SLX4IP: variants seen among roughly 807,000 people sequenced by gnomAD.
SLX4IP encodes the protein protein SLX4IP.
Under a neutral mutation model 32.9 loss-of-function variants are expected in SLX4IP, and 34 were observed. The observed-to-expected ratio is 1.03, with a 90% CI of 0.79 to 1.38. The LOEUF is 1.38. SLX4IP is among the 40% of genes most tolerant of loss of function. SLX4IP has a pLI of 0.00. For synonymous variants in SLX4IP, 172 were observed against 171.7 expected (o/e 1.00, Z -0.01); for missense variants, 444 against 479.0 (o/e 0.93, Z 0.68).
At chr20:10,485,275 G>A (rs935026469) in intron 2 of SLX4IP, among the ~76,000 whole-genome samples, 1 of 151,896 alleles carries the variant, frequency 6.6e-6, no homozygotes, top group Non-Finnish European at 1.5e-5. Context: ...TGGGGGTTAG[G>A]GCTACTGACT....
intron 6 of SLX4IP, among the ~76,000 whole-genome samples, chr20:10,602,758 A>T (rs1439632787): frequency 1.3e-5 from 2 of 152,212 alleles, no homozygotes; most frequent in African/African-American, 4.8e-5. Context: ...TGAAATCTGA[A>T]ATTTGGCCCA....
chr20:10,448,813 A>G (rs1364361091), intron 1 of SLX4IP, among the ~76,000 whole-genome samples: 3 of 152,226 alleles, frequency 2.0e-5, no homozygotes, highest in Non-Finnish European at 2.9e-5. Flanking sequence ...TATTCAATAT[A>G]TGGTATTTTT....
At chr20:10,467,221 G>C (rs1363800708) in intron 2 of SLX4IP, among the ~76,000 whole-genome samples, 1 of 152,150 alleles carries the variant, frequency 6.6e-6, no homozygotes, top group South Asian at 2.1e-4. Context: ...AAATGGCTGC[G>C]TTGATTTTGT....
intron 2 of SLX4IP, among the ~76,000 whole-genome samples, chr20:10,514,208 AT>A (rs2065832483): frequency 6.6e-6 from 1 of 152,134 alleles, no homozygotes; most frequent in Admixed American, 6.5e-5. Context: ...AAACCGGTGA[AT>A]ATGCCTCCTG....
At chr20:10,470,841 C>T (rs1600903509) in intron 2 of SLX4IP, among the ~76,000 whole-genome samples, 2 of 152,154 alleles carry the variant, frequency 1.3e-5, no homozygotes, top group East Asian at 1.9e-4. Context: ...TTTGATAGCA[C>T]TTCTTGAAAT....
intron 2 of SLX4IP, among the ~76,000 whole-genome samples, chr20:10,524,270 C>T (rs964146816): frequency 1.3e-5 from 2 of 152,232 alleles, no homozygotes. Flanking sequence ...CCCTTGGCAG[C>T]GTTCCTCTCA....
In SLX4IP at chr20:10,577,797, G is replaced by C. The variant is rs188185732; in HGVS notation, c.238+16977G>C. Reference sequence around the variant, plus strand: ...TGACTGTAGGGCCAGGAAGCCTACTGTTGGAAAATTATAGAATTCACCATC... The same window carrying C: ...TGACTGTAGGGCCAGGAAGCCTACTCTTGGAAAATTATAGAATTCACCATC... On this transcript the variant is annotated intron_variant, in intron 4 of 7. Coordinates refer to ENST00000334534, the MANE Select transcript of SLX4IP (RefSeq NM_001009608.3). Among the ~76,000 whole-genome samples the C allele has an allele frequency of 3.3e-5, 5 of 152,336 alleles. No homozygotes were observed. In the East Asian group the frequency reaches 9.6e-4, roughly 29 times the overall value.
intron 2 of SLX4IP, among the ~76,000 whole-genome samples, chr20:10,494,003 G>A (rs2639452): frequency 3.3e-5 from 5 of 151,264 alleles, no homozygotes; most frequent in Non-Finnish European, 5.9e-5. Flanking sequence ...TGGACTTGAA[G>A]ACTTTTTAAG....
chr20:10,601,447 A>G (rs1052808779), intron 5 of SLX4IP, among the ~76,000 whole-genome samples: 1 of 152,198 alleles, frequency 6.6e-6, no homozygotes, highest in Non-Finnish European at 1.5e-5. Context: ...CAGCTGACTG[A>G]CACAGAGGGG....
At chr20:10,500,029 G>T (rs1439351952) in intron 2 of SLX4IP, among the ~76,000 whole-genome samples, 5 of 151,352 alleles carry the variant, frequency 3.3e-5, no homozygotes, top group Non-Finnish European at 7.4e-5. Flanking sequence ...GAGACCAGAA[G>T]ATTATGTAGA....
intron 2 of SLX4IP, among the ~76,000 whole-genome samples, chr20:10,498,115 T>G (rs1220484148): frequency 6.6e-6 from 1 of 150,634 alleles, no homozygotes; most frequent in Non-Finnish European, 1.5e-5. Context: ...ATAGCAATAT[T>G]CTTCCTTAAC....
intron 4 of SLX4IP, among the ~76,000 whole-genome samples, chr20:10,579,754 A>T (rs1222259518): frequency 1.4e-4 from 21 of 152,144 alleles, no homozygotes; most frequent in Admixed American, 1.3e-3. Context: ...GTGTTTCCAT[A>T]TGCCAATACT....
In SLX4IP at chr20:10,475,020, G is replaced by A. The variant is rs552229326; in HGVS notation, c.27+16789G>A. ...TCTGTTGCCTTCTTTGGGCAAGCAC[G>A]TGGAGCCGCTCAAGTAAAGCTGCTC... is the stretch of plus-strand genomic sequence containing the variant. On this transcript the variant is annotated intron_variant, in intron 2 of 7. Transcript: ENST00000334534. 1.7e-4 allele frequency among the ~76,000 whole-genome samples: 26 copies of A among 152,308 alleles called. No individual in the cohort carries two copies. The East Asian group carries it at 1.7e-3, about 10-fold the overall frequency.
chr20:10,578,313 A>G (rs1211941393), intron 4 of SLX4IP, among the ~76,000 whole-genome samples: 1 of 152,230 alleles, frequency 6.6e-6, no homozygotes. Context: ...TGGACATTTC[A>G]TACAAATAGA....
rs1210001850 is a variant in SLX4IP at position 10,622,833 on chromosome 20, G to A, written c.681G>A (p.Lys227=). Reference sequence around the variant, plus strand: ...TGGGACAAGCAAAGGATTCCATAAAGGCAGCTGAGAGCCACTGGGGGCTTC... The same window carrying A: ...TGGGACAAGCAAAGGATTCCATAAAAGCAGCTGAGAGCCACTGGGGGCTTC... ...ESMGQAKDSI[K]AAESHWGLPV... is the part of the protein sequence containing the mutation. Residue 227 remains lysine, a synonymous_variant, in exon 8 of 8, where the codon AAG becomes AAA. Coordinates refer to ENST00000334534, the MANE Select transcript of SLX4IP (RefSeq NM_001009608.3). 1 of 1,614,132 alleles carries A rather than the reference G, an allele frequency of 6.2e-7. No individual in the cohort carries two copies. Among genetic ancestry groups the A allele is most frequent in the Admixed American group, 1.7e-5 (1 of 60,020 alleles).
At chr20:10,454,826 A>G (rs751582157) in intron 1 of SLX4IP, among the ~76,000 whole-genome samples, 5 of 152,180 alleles carry the variant, frequency 3.3e-5, no homozygotes, top group East Asian at 1.9e-4. Context: ...CTATCAAACT[A>G]TTGTGCAAAG....
chr20:10,480,861 A>C (rs973449817), intron 2 of SLX4IP, among the ~76,000 whole-genome samples: 2 of 152,176 alleles, frequency 1.3e-5, no homozygotes, highest in African/African-American at 4.8e-5. Context: ...TGGGTGTAGT[A>C]GTCTTGGCTC....
intron 6 of SLX4IP, among the ~76,000 whole-genome samples, chr20:10,603,946 C>T (rs2066872809): frequency 6.6e-6 from 1 of 152,206 alleles, no homozygotes; most frequent in African/African-American, 2.4e-5. Flanking sequence ...CAGAGTCTGC[C>T]TGTCTCAGCT....
chr20:10,599,339 A>C (rs184401217), intron 5 of SLX4IP, among the ~76,000 whole-genome samples: 80 of 152,332 alleles, frequency 5.3e-4, no homozygotes, highest in African/African-American at 1.9e-3. Flanking sequence ...AACTTTAAAA[A>C]ATTAACATAT....
Sources: allele counts gnomAD v4.1 joint callset (sites outside exome capture counted in the v4.1 genomes callset), GRCh38; gene constraint gnomAD v4.1.1; transcripts MANE v1.5; gene names NCBI Gene and HGNC (gene_info 2026-07-23, HGNC 2026-07-21).